Variants in MAPKBP1 observed in about 807,000 individuals in gnomAD.
MAPKBP1 encodes the protein mitogen-activated protein kinase binding protein 1.
Under a neutral mutation model 170.5 loss-of-function variants are expected in MAPKBP1, and 71 were observed. The observed-to-expected ratio is 0.42, with a 90% CI of 0.34 to 0.51. The LOEUF (loss-of-function observed/expected upper bound fraction) is 0.51. Ranked by LOEUF, MAPKBP1 falls within the 20% of genes least tolerant of loss-of-function variation. MAPKBP1 has a pLI of 0.06. For missense variants in MAPKBP1, 1,598 were observed against 1,933.0 expected, an observed-to-expected ratio of 0.83 and a Z score of 3.25; for synonymous variants, 719 against 757.9, an observed-to-expected ratio of 0.95 and a Z score of 0.84.
In MAPKBP1 at chr15:41,823,030, G is replaced by A. The variant is rs1308417466; in HGVS notation, c.3406G>A (p.Ala1136Thr). ...ASGEQPRGNG[A>T]NPPGAPPEVE... Reference sequence around the variant, plus strand: ...TGGTGAGCAGCCGAGAGGCAATGGTGCCAATCCCCCTGGAGCACCCCCGGA... The same window carrying A: ...TGGTGAGCAGCCGAGAGGCAATGGTACCAATCCCCCTGGAGCACCCCCGGA... Residue 1136 changes from alanine (A) to threonine (T), a missense_variant, in exon 28 of 31, where the codon GCC becomes ACC. Physicochemically the swap from Ala to Thr is moderately conservative, Grantham distance 58. Transcript: ENST00000457542. The A allele has an allele frequency of 6.2e-7, 1 of 1,614,012 alleles. No homozygotes were observed. Among genetic ancestry groups the A allele is most frequent in the South Asian group, 1.1e-5 (1 of 91,080 alleles).
In MAPKBP1 at chr15:41,827,421, C is replaced by G. The variant is rs1174908882; in HGVS notation, c.*1985C>G. 6.6e-6 allele frequency: 1 copy of G among 152,472 alleles called. No individual in the cohort carries two copies. Among genetic ancestry groups the G allele is most frequent in the Non-Finnish European group, 1.5e-5 (1 of 68,218 alleles). The allele number at this position is 152,472 out of a possible 1,614,324, so 9.4% of individuals were successfully genotyped here. A position where few individuals can be genotyped will look rare whatever the true frequency, so the allele number is the denominator to read the frequency against. On this transcript the variant is annotated 3_prime_UTR_variant, in exon 31 of 31. Coordinates refer to ENST00000457542, the MANE Select transcript of MAPKBP1 (RefSeq NM_014994.3). ...CTCTAGCATCGCCACCCGCATGGCC[C>G]TGGAACTCCCGCGGCGGCGGGGGCG... is the stretch of plus-strand genomic sequence containing the variant.
rs1437188153 is a variant in MAPKBP1 at position 41,817,740 on chromosome 15, G to GC, written c.1904+6dup. ...CTGCCAGGACCGAAATATTCGGTGG[G>GC]CGTCCCCTCCTCAGACTCTGCCCAC... On this transcript the variant is annotated splice_donor_region_variant and intron_variant, in intron 16 of 30. Coordinates refer to ENST00000457542, the MANE Select transcript of MAPKBP1 (RefSeq NM_014994.3). The surrounding 1 kb of genome is among the most constrained non-coding windows in gnomAD (Gnocchi z 4.2). 1.2e-6 allele frequency: 2 copies of GC among 1,611,764 alleles called. No homozygotes were observed. Among genetic ancestry groups the GC allele is most frequent in the Non-Finnish European group, 1.7e-6 (2 of 1,178,968 alleles).
chr15:41,816,656 G>A lies in MAPKBP1; in HGVS notation c.1585+6G>A. 1 of 1,612,980 alleles carries A rather than the reference G, an allele frequency of 6.2e-7. No homozygotes were observed. Among genetic ancestry groups the A allele is most frequent in the Non-Finnish European group, 8.5e-7 (1 of 1,179,494 alleles). ...GTATTCTAAGCCAGACACAGGTTAGGAGAATGCCCGGAATGGCACAGGGCT... is the reference window on the plus strand; with the variant it reads ...GTATTCTAAGCCAGACACAGGTTAGAAGAATGCCCGGAATGGCACAGGGCT... On this transcript the variant is annotated splice_donor_region_variant and intron_variant, in intron 13 of 30. Transcript: ENST00000457542.
chr15:41,813,006 G>A lies in MAPKBP1; in HGVS notation c.724G>A (p.Gly242Arg). ...ATTCACTGATGTGGCCTGTGGCAGAGGAAAAAAGGCGGACAGTACCTTCTG... is the reference window on the plus strand; with the variant it reads ...ATTCACTGATGTGGCCTGTGGCAGAAGAAAAAAGGCGGACAGTACCTTCTG... ...NLFTDVACGR[G>R]KKADSTFCIT... The change falls in exon 8 of 31, where the codon GGA (glycine) becomes AGA (arginine). Residue 242 changes from glycine (G) to arginine (R), a missense_variant. By Grantham distance (125) the Gly-to-Arg change is moderately radical (BLOSUM62 -2). Around this residue, in one of 6 missense-constraint regions of MAPKBP1, gnomAD observed 430 missense variants for 617.2 expected, o/e 0.70. Coordinates refer to ENST00000457542, the MANE Select transcript of MAPKBP1 (RefSeq NM_014994.3). 6.2e-7 allele frequency: 1 copy of A among 1,613,974 alleles called. No homozygotes were observed. Among genetic ancestry groups the A allele is most frequent in the Non-Finnish European group, 8.5e-7 (1 of 1,179,946 alleles).
intron 10 of MAPKBP1, among the ~76,000 whole-genome samples, 183 bp from the exon 11 acceptor site, chr15:41,815,076 T>A (rs1479605131): frequency 6.6e-6 from 1 of 152,196 alleles, no homozygotes; most frequent in Non-Finnish European, 1.5e-5. Context: ...GTGCCTGATA[T>A]ATAGTGGGTG....
At chr15:41,821,195 A>AGTTCAGGTT in intron 23 of MAPKBP1, 127 bp downstream of exon 23, 1 of 887,194 alleles carries the variant, frequency 1.1e-6, no homozygotes, top group Non-Finnish European at 1.8e-6. Context: ...GGGTAACCTG[A>AGTTCAGGTT]ACTGCAAAGC....
At chr15:41,789,279 A>G (rs569751040) in intron 2 of MAPKBP1, among the ~76,000 whole-genome samples, 3 of 115,468 alleles carry the variant, frequency 2.6e-5, no homozygotes, top group East Asian at 2.7e-4. Flanking sequence ...TGTAGAGAGG[A>G]CTGACTTTAG....
chr15:41,821,380 T>G (rs1244686602), intron 23 of MAPKBP1: 1 of 613,626 alleles, frequency 1.6e-6, no homozygotes, highest in African/African-American at 1.8e-5. Flanking sequence ...ATCCAGAAGC[T>G]CACATCAGCA....
At chr15:41,778,323 A>G (rs1416226720) in intron 2 of MAPKBP1, among the ~76,000 whole-genome samples, 1 of 152,246 alleles carries the variant, frequency 6.6e-6, no homozygotes, top group Non-Finnish European at 1.5e-5. Flanking sequence ...AGAAGTAGAG[A>G]TGCAGCCTAA....
In MAPKBP1 at chr15:41,819,237, C is replaced by T. The variant is rs576326433; in HGVS notation, c.2292-9C>T. ...CCTCTCCCCATGCCCTTCCTTGTCT[C>T]GGACTCAGGCACCAGGCCCCATCAA... is the stretch of plus-strand genomic sequence containing the variant. On this transcript the variant is annotated splice_polypyrimidine_tract_variant and intron_variant, in intron 20 of 30. Coordinates refer to ENST00000457542, the MANE Select transcript of MAPKBP1 (RefSeq NM_014994.3). 10 of 1,613,226 alleles carry T rather than the reference C, an allele frequency of 6.2e-6. No homozygotes were observed. The African/African-American group carries it at 6.7e-5, about 11-fold the overall frequency.
rs760507705 is a variant in MAPKBP1 at position 41,813,660 on chromosome 15, A to G, written c.859A>G (p.Ile287Val). The G allele has an allele frequency of 3.7e-6, 6 of 1,613,844 alleles. No individual in the cohort carries two copies. The highest frequency in any genetic ancestry group is 1.1e-5 in the South Asian group (1 of 91,056). Residue 287 changes from isoleucine (I) to valine (V), a missense_variant, in exon 9 of 31, where the codon ATC (isoleucine) becomes GTC (valine). Ile to Val is a conservative substitution (Grantham distance 29, BLOSUM62 3). This residue lies in a region of MAPKBP1 where 430 missense variants were observed against 617.2 expected (regional missense o/e 0.70). Transcript: ENST00000457542. ...AHCISVSQDY[I>V]FCGCADGTVR... ...CTGCATCTCTGTGAGCCAAGACTAC[A>G]TCTTCTGTGGCTGTGCTGATGGCAC... is the stretch of plus-strand genomic sequence containing the variant.
In MAPKBP1 at chr15:41,817,451, C is replaced by A; in HGVS notation, c.1775C>A (p.Ala592Glu). 6.2e-7 allele frequency: 1 copy of A among 1,613,464 alleles called. No homozygotes were observed. Among genetic ancestry groups the A allele is most frequent in the Non-Finnish European group, 8.5e-7 (1 of 1,179,712 alleles). The change falls in exon 15 of 31, where the codon GCG (alanine) becomes GAG (glutamate). Residue 592 changes from alanine (A) to glutamate (E), a missense_variant. Ala to Glu is a moderately radical substitution (Grantham distance 107). Around this residue, in one of 6 missense-constraint regions of MAPKBP1, gnomAD observed 430 missense variants for 617.2 expected, o/e 0.70. Coordinates refer to ENST00000457542, the MANE Select transcript of MAPKBP1 (RefSeq NM_014994.3). The surrounding 1 kb of genome is among the most constrained non-coding windows in gnomAD (Gnocchi z 4.2). ...GADKSIYFRT[A>E]QKSGDGVQFT... The stretch of plus-strand genomic sequence containing the variant: ...GACAAGAGCATCTACTTCCGCACTG[C>A]GCAGAAGGTGAGGGCGCTGGGCTTT...
intron 3 of MAPKBP1, among the ~76,000 whole-genome samples, chr15:41,802,167 T>C: frequency 6.6e-6 from 1 of 152,322 alleles, no homozygotes; most frequent in Non-Finnish European, 1.5e-5. Context: ...ATATAAAATA[T>C]ATTTTAAAAA....
intron 3 of MAPKBP1, among the ~76,000 whole-genome samples, chr15:41,800,553 T>C (rs1158798520): frequency 2.6e-5 from 4 of 152,150 alleles, no homozygotes; most frequent in Non-Finnish European, 5.9e-5. Context: ...CAGGCTGGTG[T>C]TGAACTCCTG....
chr15:41,822,398 ACT>A lies in MAPKBP1; in HGVS notation c.3208_3209del (p.Leu1070GlyfsTer59). ...GCAGTTTCTAAAACAGCACTTTGAG[ACT>A]CTGGCCAGTGGAGCTGCTCCAGGTG... is the stretch of plus-strand genomic sequence containing the variant. The part of the protein sequence containing the change: ...QEQFLKQHFE[T>X]LASGAAPGAP... On this transcript the variant is annotated frameshift_variant, in exon 26 of 31. Transcript: ENST00000457542. LOFTEE classifies it high-confidence loss of function. 1 of 1,613,772 alleles carries A rather than the reference ACT, an allele frequency of 6.2e-7. No individual in the cohort carries two copies. The highest frequency in any genetic ancestry group is 1.3e-5 in the African/African-American group (1 of 74,916).
chr15:41,775,830 T>A (rs148286412), intron 2 of MAPKBP1, among the ~76,000 whole-genome samples: 64 of 152,360 alleles, frequency 4.2e-4, no homozygotes, highest in Non-Finnish European at 7.9e-4. Context: ...AAACACCTAG[T>A]CAGAGTTACT....
chr15:41,810,755 A>G, intron 3 of MAPKBP1, 128 bp from the exon 4 acceptor site: 1 of 654,766 alleles, frequency 1.5e-6, no homozygotes, highest in East Asian at 2.6e-5. Flanking sequence ...GGAAAAAAAC[A>G]GTGGAGCCCT....
Position 41,823,237 on chromosome 15 carries a change from G to T in MAPKBP1, c.3598+15G>T. 1 of 1,610,144 alleles carries T rather than the reference G, an allele frequency of 6.2e-7. No individual in the cohort carries two copies. On this transcript the variant is annotated intron_variant, in intron 28 of 30. Transcript: ENST00000457542. ...GGTGCCACAGGGTGAGAAGCCTGATGGGTTCAGTGCCAGGGTGCAGGGTGT... is the reference window on the plus strand; with the variant it reads ...GGTGCCACAGGGTGAGAAGCCTGATTGGTTCAGTGCCAGGGTGCAGGGTGT...
chr15:41,816,613 T>A lies in MAPKBP1; in HGVS notation c.1548T>A (p.Ser516=), dbSNP rs772390872. The A allele has an allele frequency of 2.5e-6, 4 of 1,613,622 alleles. No homozygotes were observed. In the African/African-American group the frequency reaches 5.3e-5, roughly 22 times the overall value. The change falls in exon 13 of 31, where the codon TCT becomes TCA. Residue 516 remains serine (S), a synonymous_variant. Transcript: ENST00000457542. ...TGCTGAAGGTGGAGGCCCATGACTCTGAGATTCTGTGCCTGGAGTATTCTA... is the reference window on the plus strand; with the variant it reads ...TGCTGAAGGTGGAGGCCCATGACTCAGAGATTCTGTGCCTGGAGTATTCTA... ...SEMLKVEAHD[S]EILCLEYSKP... is the part of the protein sequence containing the mutation.
Sources: gnomAD v4.1 joint callset for allele counts (sites outside exome capture counted in the v4.1 genomes callset) on GRCh38, gnomAD v4.1.1 for gene constraint, gnomAD v4.1.1 regional missense constraint, Gnocchi (gnomAD v3.1) non-coding constraint, MANE v1.5 for transcripts, NCBI Gene and HGNC (gene_info 2026-07-23, HGNC 2026-07-21) for gene names.